IFT80: variants seen among roughly 807,000 people sequenced by gnomAD.
IFT80 encodes the protein intraflagellar transport 80.
In IFT80, 79 loss-of-function variants were observed where a neutral mutation model predicts 107.9. The observed-to-expected ratio is 0.73, with a 90% CI of 0.61 to 0.88. The LOEUF is 0.88. IFT80 is among the 40% of genes least tolerant of loss of function. The pLI, the probability that IFT80 is intolerant of heterozygous loss-of-function variation, is 0.00. For missense variants in IFT80, 797 were observed against 914.2 expected (o/e 0.87, Z 1.65); for synonymous variants, 299 against 300.9 (o/e 0.99, Z 0.07).
chr3:160,282,679 A>C, intron 13 of IFT80, 66 bp from the exon 14 acceptor site: 1 of 930,218 alleles, frequency 1.1e-6, no homozygotes. Flanking sequence ...CATTTTAATT[A>C]ATTATAAAAT....
chr3:160,367,145 T>C (rs1721926417), intron 5 of IFT80, among the ~76,000 whole-genome samples: 2 of 152,130 alleles, frequency 1.3e-5, no homozygotes, highest in African/African-American at 4.8e-5. Context: ...CTCCACTGTA[T>C]ATAAGTACCA....
At chr3:160,272,859 T>A (rs544500472) in intron 18 of IFT80, among the ~76,000 whole-genome samples, 1 of 152,174 alleles carries the variant, frequency 6.6e-6, no homozygotes, top group Non-Finnish European at 1.5e-5. Context: ...CTTATACTTG[T>A]ACAAAAAAAT....
At chr3:160,375,959 C>A in intron 4 of IFT80, 79 bp from the exon 5 acceptor site, 1 of 870,558 alleles carries the variant, frequency 1.1e-6, no homozygotes, top group South Asian at 1.4e-5. Context: ...ATATAAGAAT[C>A]AACAGTATCT....
At chr3:160,295,898 G>A (rs1157779848) in intron 12 of IFT80, among the ~76,000 whole-genome samples, 1 of 152,144 alleles carries the variant, frequency 6.6e-6, no homozygotes, top group Non-Finnish European at 1.5e-5. Flanking sequence ...GCTAGTCACA[G>A]AAGAACAAAT....
intron 8 of IFT80, among the ~76,000 whole-genome samples, chr3:160,329,652 T>C (rs869468): frequency 0.52 from 79,756 of 151,956 alleles, 21,388 homozygotes; most frequent in African/African-American, 0.56. Flanking sequence ...AAATTTCCCC[T>C]AGTTTATTAG....
At chr3:160,271,421 G>A (rs987793044) in intron 18 of IFT80, among the ~76,000 whole-genome samples, 6 of 152,134 alleles carry the variant, frequency 3.9e-5, no homozygotes, top group African/African-American at 1.4e-4. Flanking sequence ...TTGTATAACT[G>A]AGATCAGAAA....
intron 2 of IFT80, chr3:160,383,587 T>C: frequency 5.8e-6 from 5 of 857,518 alleles, no homozygotes; most frequent in Non-Finnish European, 7.0e-6. Context: ...ATTATAACAA[T>C]GTCAAATTGC....
chr3:160,281,078 T>A (rs1714652831), intron 14 of IFT80, among the ~76,000 whole-genome samples: 1 of 152,152 alleles, frequency 6.6e-6, no homozygotes, highest in South Asian at 2.1e-4. Context: ...GCTAAAGACT[T>A]GCTAATAAGT....
At chr3:160,377,573 A>G (rs755102205) in intron 3 of IFT80, 33 bp from the exon 4 acceptor site, 6 of 1,319,024 alleles carry the variant, frequency 4.5e-6, no homozygotes, top group Non-Finnish European at 6.6e-6. Flanking sequence ...AATCTATTTT[A>G]TTTATTCAAT....
intron 2 of IFT80, 91 bp from the exon 3 acceptor site, chr3:160,381,815 T>C (rs1207202887): frequency 1.0e-6 from 1 of 998,738 alleles, no homozygotes; most frequent in East Asian, 2.4e-5. Context: ...ATAAGTAAAA[T>C]AGGGTCAAAT....
chr3:160,396,579 A>T (rs1192940180), intron 1 of IFT80, among the ~76,000 whole-genome samples: 1 of 152,080 alleles, frequency 6.6e-6, no homozygotes, highest in African/African-American at 2.4e-5. Context: ...GTGGGGTATA[A>T]TTTTTTTCTA....
At chr3:160,315,765 T>C (rs1162563797) in intron 9 of IFT80, among the ~76,000 whole-genome samples, 1 of 152,128 alleles carries the variant, frequency 6.6e-6, no homozygotes, top group Non-Finnish European at 1.5e-5. Flanking sequence ...AAAATACATA[T>C]TTATGTATAG....
intron 1 of IFT80, among the ~76,000 whole-genome samples, chr3:160,395,997 C>T (rs372717116): frequency 1.2e-4 from 18 of 152,204 alleles, no homozygotes; most frequent in African/African-American, 4.3e-4. Flanking sequence ...ATCTTAAAAA[C>T]CTAACCTATT....
At chr3:160,378,240 TAA>T (rs796824605) in intron 3 of IFT80, among the ~76,000 whole-genome samples, 4 of 133,730 alleles carry the variant, frequency 3.0e-5, no homozygotes, top group African/African-American at 2.7e-5. Context: ...TTATAGCCTA[TAA>T]AAAAAAAAAA....
intron 1 of IFT80, 141 bp from the exon 2 acceptor site, chr3:160,384,787 A>G: frequency 1.6e-6 from 1 of 615,530 alleles, no homozygotes; most frequent in Non-Finnish European, 2.8e-6. Flanking sequence ...GGAAAGAGAA[A>G]AAAAACTAGT....
At chr3:160,340,798 T>C (rs934355887) in intron 8 of IFT80, among the ~76,000 whole-genome samples, 4 of 152,210 alleles carry the variant, frequency 2.6e-5, no homozygotes, top group Non-Finnish European at 4.4e-5. Flanking sequence ...CTACCCTTAA[T>C]CGCATCTGCA....
At chr3:160,375,219 A>G (rs1417783845) in intron 5 of IFT80, among the ~76,000 whole-genome samples, 1 of 152,158 alleles carries the variant, frequency 6.6e-6, no homozygotes, top group African/African-American at 2.4e-5. Context: ...TCTGTTACAC[A>G]GAAAAAATCA....
Position 160,258,357 on chromosome 3 carries a change from A to G in IFT80, c.*168T>C. 1 of 799,872 alleles carries G rather than the reference A, an allele frequency of 1.3e-6. No homozygotes were observed. Among genetic ancestry groups the G allele is most frequent in the Non-Finnish European group, 2.0e-6 (1 of 508,582 alleles). The allele number at this position is 799,872 out of a possible 1,614,324, so 49.5% of individuals were successfully genotyped here. A position where few individuals can be genotyped will look rare whatever the true frequency, so the allele number is the denominator to read the frequency against. On this transcript the variant is annotated 3_prime_UTR_variant, in exon 20 of 20. Transcript: ENST00000326448. ...AAATATAAAAGATAGAAATACATCA[A>G]TTACTTTGTGTTTCATCTTTCTGCA...
chr3:160,280,875 T>C, intron 14 of IFT80, 61 bp from the exon 15 acceptor site: 1 of 1,428,078 alleles, frequency 7.0e-7, no homozygotes, highest in Non-Finnish European at 9.7e-7. Flanking sequence ...TAAAAATAGA[T>C]CTTTAAAATG....
Sources: allele counts gnomAD v4.1 joint callset (sites outside exome capture counted in the v4.1 genomes callset), GRCh38; gene constraint gnomAD v4.1.1; transcripts MANE v1.5; gene names NCBI Gene and HGNC (gene_info 2026-07-23, HGNC 2026-07-21).